RPLP0: variants seen among roughly 807,000 people sequenced by gnomAD.
RPLP0 encodes the protein ribosomal protein lateral stalk subunit P0, also known as large ribosomal subunit protein uL10.
For synonymous variants in RPLP0, 137 were observed against 153.4 expected (o/e 0.89, Z 0.79); for missense variants, 276 against 402.9 (o/e 0.69, Z 2.70).
At chr12:120,200,513 T>A in intron 2 of RPLP0, 1 of 548,006 alleles carries the variant, frequency 1.8e-6, no homozygotes, top group Non-Finnish European at 3.2e-6. Context: ...CAGACCTGGA[T>A]ACGAATGCTG....
chr12:120,198,634 G>T lies in RPLP0; in HGVS notation c.571C>A (p.Gln191Lys). The change falls in exon 6 of 8, where the codon CAG (glutamine) becomes AAG (lysine). Residue 191 changes from glutamine to lysine, a missense_variant. Gln to Lys is a moderately conservative substitution (Grantham distance 53). Coordinates refer to ENST00000392514, the MANE Select transcript of RPLP0 (RefSeq NM_001002.4). This position sits in a 1 kb window ranked among gnomAD's most constrained non-coding sequence, Gnocchi z 4.1. ...TAGATGCTGCCATTGTCGAACACCT[G>T]CTGGATGACCAGCCCAAAGGAGAAG... ...SPFSFGLVIQ[Q>K]VFDNGSIYNP... 6.2e-7 allele frequency: 1 copy of T among 1,614,056 alleles called. No homozygotes were observed. Among genetic ancestry groups the T allele is most frequent in the East Asian group, 2.2e-5 (1 of 44,886 alleles).
intron 2 of RPLP0, 37 bp from the exon 3 acceptor site, chr12:120,199,522 G>GA: frequency 6.3e-7 from 1 of 1,592,316 alleles, no homozygotes; most frequent in Non-Finnish European, 8.6e-7. Context: ...AGTTTAACAG[G>GA]AAGAGAGAGG....
chr12:120,200,075 CT>C (rs1220983461), intron 2 of RPLP0: 2 of 455,978 alleles, frequency 4.4e-6, no homozygotes, highest in African/African-American at 4.0e-5. Flanking sequence ...TCATTGGACA[CT>C]TAAGTTTCTT....
chr12:120,200,797 C>G lies in RPLP0; in HGVS notation c.-14G>C, dbSNP rs924590052. 22 of 1,609,548 alleles carry G rather than the reference C, an allele frequency of 1.4e-5. No homozygotes were observed. Among genetic ancestry groups the G allele is most frequent in the Non-Finnish European group, 1.8e-5 (21 of 1,178,810 alleles). ...TTCCCTGGGCATCACGGCGGTGCGT[C>G]AGGGATTGCCACGCAGGGTTTAAAG... On this transcript the variant is annotated 5_prime_UTR_variant, in exon 2 of 8. Coordinates refer to ENST00000392514, the MANE Select transcript of RPLP0 (RefSeq NM_001002.4).
rs1227730541 is a variant in RPLP0, at chr12:120,198,386, C to CAA, written c.651+166_651+167dup. 3.7e-3 allele frequency: 1,927 copies of CAA among 527,224 alleles called. 3 individuals carry two copies. The highest frequency in any genetic ancestry group is 0.016 in the African/African-American group (528 of 32,986). 32.7% of individuals were successfully genotyped at this position (527,224 alleles called of 1,614,324 possible). The stretch of plus-strand genomic sequence containing the variant: ...GGGCGACACAGCAAGACTCTGTCTC[C>CAA]AAAAAAAAAAAAAAAAAATCCTTCA... On this transcript the variant is annotated intron_variant, in intron 6 of 7. Transcript: ENST00000392514. The surrounding 1 kb of genome is among the most constrained non-coding windows in gnomAD (Gnocchi z 4.1).
intron 2 of RPLP0, chr12:120,200,247 G>T (rs763007546): frequency 2.1e-5 from 8 of 379,236 alleles, no homozygotes; most frequent in South Asian, 5.8e-5. Flanking sequence ...GGTGGATCAT[G>T]AAGTCAAGAG....
Position 120,199,611 on chromosome 12 carries a change from G to A in RPLP0, c.55-126C>T, listed in dbSNP as rs538137122. 7 of 953,428 alleles carry A rather than the reference G, an allele frequency of 7.3e-6. No homozygotes were observed. The African/African-American group carries it at 8.2e-5, about 11-fold the overall frequency. 59.1% of individuals were successfully genotyped at this position (953,428 alleles called of 1,614,324 possible). ...TTCTTCTAAGCTTTTGAAGTCAGAG[G>A]GAGATTGGGAGCTACGTTGTAACAC... On this transcript the variant is annotated intron_variant, in intron 2 of 7. Transcript: ENST00000392514.
rs550538457 is a variant in RPLP0 at position 120,198,803 on chromosome 12, A to G, written c.465+51T>C. ...ACAACCAGCAGATCCATGGCCACTA[A>G]AAGCAGCTCCCCATTTGCCTGGTTA... On this transcript the variant is annotated intron_variant, in intron 5 of 7. Transcript: ENST00000392514. The surrounding 1 kb of genome is among the most constrained non-coding windows in gnomAD (Gnocchi z 4.1). 6.2e-7 allele frequency: 1 copy of G among 1,612,180 alleles called. No homozygotes were observed. Among genetic ancestry groups the G allele is most frequent in the Non-Finnish European group, 8.5e-7 (1 of 1,178,186 alleles).
chr12:120,199,234 C>T, intron 3 of RPLP0, 29 bp from the exon 4 acceptor site: 1 of 1,612,796 alleles, frequency 6.2e-7, no homozygotes, highest in African/African-American at 1.3e-5. Context: ...GGGAGACAAT[C>T]ACCTTTCAGC....
chr12:120,200,698 T>G, intron 2 of RPLP0, 32 bp downstream of exon 2: 1 of 1,600,262 alleles, frequency 6.2e-7, no homozygotes, highest in Non-Finnish European at 8.5e-7. Context: ...TGGGGCAACA[T>G]GAAGAGCAGA....
chr12:120,198,535 C>A lies in RPLP0; in HGVS notation c.651+19G>T, dbSNP rs1200796496. On this transcript the variant is annotated intron_variant, in intron 6 of 7. Transcript: ENST00000392514. This position sits in a 1 kb window ranked among gnomAD's most constrained non-coding sequence, Gnocchi z 4.1. ...TCTCAACCATCAGTGTAAGAGGGGG[C>A]AAGGCTGACAGCATATACCTCCAGG... The A allele has an allele frequency of 8.7e-6, 14 of 1,613,928 alleles. No homozygotes were observed. Among genetic ancestry groups the A allele is most frequent in the Non-Finnish European group, 1.1e-5 (13 of 1,179,894 alleles).
chr12:120,199,991 C>G, intron 2 of RPLP0: 1 of 456,010 alleles, frequency 2.2e-6, no homozygotes, highest in Non-Finnish European at 4.4e-6. Flanking sequence ...CTCTACAATG[C>G]TGCCTAATTG....
At chr12:120,197,204 C>T (rs929723648) in intron 7 of RPLP0, 118 bp downstream of exon 7, 3 of 1,066,092 alleles carry the variant, frequency 2.8e-6, no homozygotes, top group Non-Finnish European at 4.2e-6. Context: ...TCAAATATCC[C>T]CTCACAAAAT....
rs754007688 is a variant in RPLP0, at chr12:120,196,924, A to G, written c.803T>C (p.Phe268Ser). The G allele has an allele frequency of 3.1e-6, 5 of 1,613,324 alleles. No individual in the cohort carries two copies. Among genetic ancestry groups the G allele is most frequent in the African/African-American group, 1.3e-5 (1 of 75,042 alleles). Residue 268 changes from phenylalanine to serine, a missense_variant, in exon 8 of 8, where the codon TTC (phenylalanine) becomes TCC (serine). By Grantham distance (155) the Phe-to-Ser change is radical. Transcript: ENST00000392514. ...TFPLAEKVKA[F>S]LADPSAFVAA... is the part of the protein sequence containing the mutation. ...CACAAAGGCAGATGGATCAGCCAAG[A>G]AGGCCTTGACCTGAAAGGAGGGGGG...
rs1423800137 is a variant in RPLP0, at chr12:120,199,297, C to T, written c.230+13G>A. 6.2e-7 allele frequency: 1 copy of T among 1,613,988 alleles called. No individual in the cohort carries two copies. Among genetic ancestry groups the T allele is most frequent in the Non-Finnish European group, 8.5e-7 (1 of 1,179,904 alleles). ...CACTGGGGAGAAAGGACAAAACTGCCAGGGGAACTGACTTCTCCAGAGCTG... is the reference window on the plus strand; with the variant it reads ...CACTGGGGAGAAAGGACAAAACTGCTAGGGGAACTGACTTCTCCAGAGCTG... On this transcript the variant is annotated intron_variant, in intron 3 of 7. Coordinates refer to ENST00000392514, the MANE Select transcript of RPLP0 (RefSeq NM_001002.4).
intron 2 of RPLP0, 44 bp from the exon 3 acceptor site, chr12:120,199,529 G>A (rs1440772505): frequency 1.2e-5 from 19 of 1,582,648 alleles, no homozygotes; most frequent in Admixed American, 3.6e-5. Flanking sequence ...CAGGAAGAGA[G>A]AGGGAAAAAA....
rs921090221 is a variant in RPLP0 at position 120,198,068 on chromosome 12, A to G, written c.651+486T>C. Reference sequence around the variant, plus strand: ...TGTGAGTCTCAATGCAGGCCCTAGAATAACAGCCCCAGCACTGTACATCCA... The same window carrying G: ...TGTGAGTCTCAATGCAGGCCCTAGAGTAACAGCCCCAGCACTGTACATCCA... On this transcript the variant is annotated intron_variant, in intron 6 of 7. Coordinates refer to ENST00000392514, the MANE Select transcript of RPLP0 (RefSeq NM_001002.4). This position sits in a 1 kb window ranked among gnomAD's most constrained non-coding sequence, Gnocchi z 4.1. Among the ~76,000 whole-genome samples the G allele has an allele frequency of 1.2e-4, 19 of 152,252 alleles. No individual in the cohort carries two copies. The highest frequency in any genetic ancestry group is 6.5e-4 in the Admixed American group (10 of 15,290).
chr12:120,200,945 C>T, intron 1 of RPLP0, 114 bp from the exon 2 acceptor site: 1 of 1,319,318 alleles, frequency 7.6e-7, no homozygotes, highest in Non-Finnish European at 1.0e-6. Context: ...AGGGCAGCGG[C>T]CGTCATCTCG....
At chr12:120,197,731 A>T (rs1254080609) in intron 6 of RPLP0, 1 of 443,020 alleles carries the variant, frequency 2.3e-6, no homozygotes, top group African/African-American at 1.9e-5. Flanking sequence ...TGAAAAGCAT[A>T]AACGACTAAC....
Sources: allele counts gnomAD v4.1 joint callset (sites outside exome capture counted in the v4.1 genomes callset), GRCh38; gene constraint gnomAD v4.1.1; non-coding constraint Gnocchi (gnomAD v3.1); transcripts MANE v1.5; gene names NCBI Gene and HGNC (gene_info 2026-07-23, HGNC 2026-07-21).